NSD2: variants seen among roughly 807,000 people sequenced by gnomAD.
NSD2 encodes the protein histone-lysine N-methyltransferase NSD2.
Under a neutral mutation model 139.0 loss-of-function variants are expected in NSD2, and 12 were observed. That is an observed-to-expected ratio of 0.09 (90% CI 0.06 to 0.14). The LOEUF is 0.14. NSD2 is among the 10% of genes least tolerant of loss of function. NSD2 has a pLI of 1.00. For missense variants in NSD2, 1,155 were observed against 1,745.0 expected (o/e 0.66, Z 6.02); for synonymous variants, 669 against 648.7 (o/e 1.03, Z -0.48).
intron 1 of NSD2, among the ~76,000 whole-genome samples, chr4:1,898,491 C>T (rs1367195431): frequency 1.3e-5 from 2 of 151,980 alleles, no homozygotes; most frequent in South Asian, 2.1e-4. Context: ...GGTGAAACCC[C>T]GTCTCTACTA....
intron 17 of NSD2, among the ~76,000 whole-genome samples, chr4:1,960,155 G>T (rs569118127): frequency 6.6e-6 from 1 of 152,302 alleles, no homozygotes; most frequent in East Asian, 1.9e-4. Flanking sequence ...CTCTGTGCCT[G>T]ACCTGAAATA....
chr4:1,939,402 G>A, intron 8 of NSD2: 1 of 519,968 alleles, frequency 1.9e-6, no homozygotes, highest in East Asian at 3.3e-5. Context: ...GTGGAACCAG[G>A]TATGGATAGA....
intron 3 of NSD2, among the ~76,000 whole-genome samples, chr4:1,914,225 G>T (rs1400382009): frequency 1.3e-5 from 2 of 152,134 alleles, no homozygotes; most frequent in East Asian, 3.8e-4. Flanking sequence ...GTTTTGCTAT[G>T]TCGGCCAGGC....
chr4:1,927,469 G>A (rs1422287050), intron 5 of NSD2, among the ~76,000 whole-genome samples: 4 of 152,102 alleles, frequency 2.6e-5, no homozygotes, highest in African/African-American at 7.2e-5. Context: ...TGTAATCCCA[G>A]CACTTTGGGA....
intron 18 of NSD2, 42 bp downstream of exon 18, chr4:1,961,193 C>A: frequency 1.3e-6 from 2 of 1,511,086 alleles, no homozygotes; most frequent in African/African-American, 1.4e-5. Context: ...GTGTGCTGGA[C>A]CTGGAGCCCT....
chr4:1,945,601 T>C, intron 9 of NSD2: 1 of 1,065,152 alleles, frequency 9.4e-7, no homozygotes, highest in Non-Finnish European at 1.1e-6. Flanking sequence ...GCACCTGTGA[T>C]GGCAGGGCTG....
intron 5 of NSD2, among the ~76,000 whole-genome samples, chr4:1,925,772 ATTTTTTTT>A (rs564472093): frequency 4.0e-5 from 6 of 148,958 alleles, no homozygotes; most frequent in Non-Finnish European, 4.4e-5. Flanking sequence ...CTATATATAT[ATTTTTTTT>A]TGTTTGTTTG....
intron 18 of NSD2, among the ~76,000 whole-genome samples, 171 bp downstream of exon 18, chr4:1,961,322 G>A (rs1245391871): frequency 1.3e-5 from 2 of 152,128 alleles, no homozygotes; most frequent in Admixed American, 6.5e-5. Flanking sequence ...TTTCAGCTGC[G>A]CCGGAGGGCT....
Position 1,973,071 on chromosome 4 carries a change from C to T in NSD2, c.3373-1792C>T, listed in dbSNP as rs1224530658. Among the ~76,000 whole-genome samples, 2 of 152,116 alleles carry T rather than the reference C, an allele frequency of 1.3e-5. No individual in the cohort carries two copies. Among genetic ancestry groups the T allele is most frequent in the African/African-American group, 2.4e-5 (1 of 41,422 alleles). On this transcript the variant is annotated intron_variant, in intron 18 of 21. Transcript: ENST00000508803. The surrounding 1 kb of genome is among the most constrained non-coding windows in gnomAD (Gnocchi z 5.5). ...TTCACCATGTTGGCCAGGCTGGTTT[C>T]GAACTCCTGGCCTCAAGTGATCCTT...
Position 1,959,494 on chromosome 4 carries a change from C to G in NSD2, c.3009C>G (p.Val1003=). Residue 1003 remains valine (V), a synonymous_variant, in exon 17 of 22, where the codon GTC becomes GTG. Transcript: ENST00000508803. ...HIKVNKPYGK[V]QIYTADISEI... ...AGGTGAATAAGCCTTACGGGAAAGT[C>G]CAGATCTACACAGCGGATATTTCAG... The G allele has an allele frequency of 6.2e-7, 1 of 1,612,548 alleles. No homozygotes were observed. Among genetic ancestry groups the G allele is most frequent in the Non-Finnish European group, 8.5e-7 (1 of 1,179,522 alleles).
At position 1,942,780 on chromosome 4, in the gene NSD2, T is replaced by C. The variant is rs1032700589; in HGVS notation, c.1881+3002T>C. 1.1e-4 allele frequency: 121 copies of C among 1,082,016 alleles called. No homozygotes were observed. Among genetic ancestry groups the C allele is most frequent in the Non-Finnish European group, 1.3e-4 (116 of 888,848 alleles). 67.0% of individuals were successfully genotyped at this position (1,082,016 alleles called of 1,614,324 possible). On this transcript the variant is annotated intron_variant, in intron 9 of 21. Coordinates refer to ENST00000508803, the MANE Select transcript of NSD2 (RefSeq NM_001042424.3). This position sits in a 1 kb window ranked among gnomAD's most constrained non-coding sequence, Gnocchi z 4.0. Reference sequence around the variant, plus strand: ...ACTTACTGGACTTTTGTGGAAAATATCAGCGTCGCTACCCTCAGAAACAAA... The same window carrying C: ...ACTTACTGGACTTTTGTGGAAAATACCAGCGTCGCTACCCTCAGAAACAAA...
chr4:1,886,425 T>C (rs1307729633), intron 1 of NSD2, among the ~76,000 whole-genome samples: 2 of 152,214 alleles, frequency 1.3e-5, no homozygotes, highest in Non-Finnish European at 2.9e-5. Flanking sequence ...CAGGCTGGTC[T>C]TGAACTCCTG....
At chr4:1,962,519 C>T (rs1231573246) in intron 18 of NSD2, among the ~76,000 whole-genome samples, 3 of 151,922 alleles carry the variant, frequency 2.0e-5, no homozygotes, top group East Asian at 1.9e-4. Context: ...TTCAAAGGAT[C>T]GGGAAAAAAT....
intron 2 of NSD2, 76 bp from the exon 3 acceptor site, chr4:1,904,140 G>A: frequency 2.7e-6 from 4 of 1,501,748 alleles, no homozygotes; most frequent in Non-Finnish European, 3.6e-6. Context: ...ATTGTAGCCT[G>A]GTGAATCCTT....
chr4:1,915,111 CTTTT>C (rs781255847), intron 3 of NSD2, among the ~76,000 whole-genome samples: 1,287 of 115,390 alleles, frequency 0.011, 8 homozygotes, highest in African/African-American at 0.043. Context: ...CTTTTTTTCT[CTTTT>C]TTTTTTTTTT....
chr4:1,872,697 C>T (rs1713963052), intron 1 of NSD2, among the ~76,000 whole-genome samples: 3 of 150,366 alleles, frequency 2.0e-5, no homozygotes, highest in Non-Finnish European at 4.4e-5. Context: ...TCAGGAGCAG[C>T]TCTTCAGTGC....
chr4:1,941,426 G>T, intron 9 of NSD2: 2 of 1,048,100 alleles, frequency 1.9e-6, no homozygotes, highest in Non-Finnish European at 2.3e-6. Flanking sequence ...TTAGAGTAAT[G>T]CATGAGGCCA....
In NSD2 at chr4:1,979,430, G is replaced by A. The variant is rs149232578; in HGVS notation, c.*521G>A. 94 of 233,696 alleles carry A rather than the reference G, an allele frequency of 4.0e-4. No homozygotes were observed. Among genetic ancestry groups the A allele is most frequent in the Middle Eastern group, 3.8e-3 (3 of 788 alleles). The allele number at this position is 233,696 out of a possible 1,614,324, so 14.5% of individuals were successfully genotyped here. On this transcript the variant is annotated 3_prime_UTR_variant, in exon 22 of 22. Coordinates refer to ENST00000508803, the MANE Select transcript of NSD2 (RefSeq NM_001042424.3). ...ATCATTACTCTGCTCTTTGGAAATGGCTGTATCATTTTTTTGTACTAATGT... is the reference window on the plus strand; with the variant it reads ...ATCATTACTCTGCTCTTTGGAAATGACTGTATCATTTTTTTGTACTAATGT...
intron 12 of NSD2, among the ~76,000 whole-genome samples, chr4:1,954,029 A>T (rs970720083): frequency 6.6e-6 from 1 of 150,842 alleles, no homozygotes; most frequent in South Asian, 2.1e-4. Flanking sequence ...TCTGTTGCCC[A>T]GGCTGGAGTG....
Sources: gnomAD v4.1 joint callset for allele counts (sites outside exome capture counted in the v4.1 genomes callset) on GRCh38, gnomAD v4.1.1 for gene constraint, Gnocchi (gnomAD v3.1) non-coding constraint, MANE v1.5 for transcripts, NCBI Gene and HGNC (gene_info 2026-07-23, HGNC 2026-07-21) for gene names.